The following PDIA5 variants were observed in gnomAD, a reference collection of about 807,000 sequenced individuals.
PDIA5 encodes protein disulfide isomerase family A member 5, also known as protein disulfide-isomerase A5.
PDIA5 carries 58 observed loss-of-function variants against 77.6 expected under a neutral mutation model. The ratio of observed to expected loss-of-function variants is 0.75; its 90% CI spans 0.61 to 0.93. The LOEUF (loss-of-function observed/expected upper bound fraction) is 0.93. Among genes scored for constraint, PDIA5 ranks in the 40% least tolerant of loss-of-function variants. The pLI is 0.00. For synonymous variants in PDIA5, 250 were observed against 252.1 expected (o/e 0.99, Z 0.08); for missense variants, 630 against 647.7 (o/e 0.97, Z 0.30).
intron 11 of PDIA5, among the ~76,000 whole-genome samples, chr3:123,144,146 C>T (rs1969263): frequency 0.18 from 27,952 of 152,126 alleles, 3,134 homozygotes; most frequent in East Asian, 0.46. Flanking sequence ...TCACCCCTGC[C>T]GGGTGCTCAG....
chr3:123,096,542 T>C (rs1020944099), intron 3 of PDIA5, among the ~76,000 whole-genome samples: 55 of 152,284 alleles, frequency 3.6e-4, no homozygotes, highest in African/African-American at 1.3e-3. Flanking sequence ...GATATATATT[T>C]TCCTTTTTTT....
chr3:123,122,869 TA>T (rs1201211642), intron 8 of PDIA5, among the ~76,000 whole-genome samples: 1 of 152,266 alleles, frequency 6.6e-6, no homozygotes, highest in African/African-American at 2.4e-5. Flanking sequence ...TCTGCTTCTG[TA>T]ACTACTGCTG....
chr3:123,127,563 ACAGGACTCAAGT>A (rs1165812176), intron 10 of PDIA5, among the ~76,000 whole-genome samples: 1 of 152,148 alleles, frequency 6.6e-6, no homozygotes, highest in Non-Finnish European at 1.5e-5. Context: ...AGTGGAGGAA[ACAGGACTCAAGT>A]CAGGTCTTCT....
In PDIA5 at chr3:123,130,728, C is replaced by A. The variant is rs1464589044; in HGVS notation, c.910+112C>A. On this transcript the variant is annotated intron_variant, in intron 11 of 16. Coordinates refer to ENST00000316218, the MANE Select transcript of PDIA5 (RefSeq NM_006810.4). ...AGCACTTATTTTTTGGATGCCAGGA[C>A]CCATGCTAAGCCAGGGGATGCAGTG... 1.3e-5 allele frequency: 16 copies of A among 1,245,536 alleles called. No individual in the cohort carries two copies. The Admixed American group carries it at 2.6e-4, about 20-fold the overall frequency. The allele number at this position is 1,245,536 out of a possible 1,614,324, so 77.2% of individuals were successfully genotyped here.
rs113365191 is a variant in PDIA5, at chr3:123,119,437, T to C, written c.609+3139T>C. The stretch of plus-strand genomic sequence containing the variant: ...GACATCTGGGTTGTGTAAACTCATT[T>C]CTTTGTTTGTATATTTTCTTGCTTG... On this transcript the variant is annotated intron_variant, in intron 8 of 16. Coordinates refer to ENST00000316218, the MANE Select transcript of PDIA5 (RefSeq NM_006810.4). Among the ~76,000 whole-genome samples the C allele has an allele frequency of 3.8e-3, 574 of 152,314 alleles. 5 individuals are homozygous for C. The highest frequency in any genetic ancestry group is 0.013 in the African/African-American group (553 of 41,560).
intron 10 of PDIA5, among the ~76,000 whole-genome samples, chr3:123,128,090 TC>T (rs1310570825): frequency 1.3e-5 from 2 of 152,138 alleles, no homozygotes; most frequent in African/African-American, 4.8e-5. Flanking sequence ...AAAAGAAACT[TC>T]CAGTCATCTC....
At chr3:123,090,744 C>T (rs373586180) in intron 2 of PDIA5, among the ~76,000 whole-genome samples, 2 of 152,016 alleles carry the variant, frequency 1.3e-5, no homozygotes, top group Non-Finnish European at 2.9e-5. Flanking sequence ...TGTTGTCAGG[C>T]GCTTGCAGGG....
At chr3:123,079,226 G>C (rs1430881702) in intron 1 of PDIA5, among the ~76,000 whole-genome samples, 1 of 143,112 alleles carries the variant, frequency 7.0e-6, no homozygotes, top group African/African-American at 2.6e-5. Context: ...TGTCGCTGAG[G>C]CTGGAGTGCA....
intron 14 of PDIA5, among the ~76,000 whole-genome samples, 194 bp from the exon 15 acceptor site, chr3:123,154,777 C>G (rs942875640): frequency 6.6e-6 from 1 of 152,104 alleles, no homozygotes; most frequent in Non-Finnish European, 1.5e-5. Flanking sequence ...TCCTACCAGT[C>G]CCCCCTACCA....
intron 7 of PDIA5, among the ~76,000 whole-genome samples, chr3:123,113,567 A>C (rs760713213): frequency 4.6e-5 from 7 of 152,330 alleles, no homozygotes; most frequent in Non-Finnish European, 8.8e-5. Flanking sequence ...GGTCCCAAGG[A>C]ACCTCGGGAC....
chr3:123,108,342 G>C (rs1436731086), intron 6 of PDIA5, among the ~76,000 whole-genome samples: 1 of 149,502 alleles, frequency 6.7e-6, no homozygotes, highest in East Asian at 2.0e-4. Context: ...GTGCAGTAGC[G>C]TGATCTTGGC....
At chr3:123,078,771 CT>C (rs1933918698) in intron 1 of PDIA5, among the ~76,000 whole-genome samples, 1 of 152,212 alleles carries the variant, frequency 6.6e-6, no homozygotes, top group South Asian at 2.1e-4. Flanking sequence ...TCCTCAGTCT[CT>C]GTCTTTTGTG....
intron 10 of PDIA5, among the ~76,000 whole-genome samples, chr3:123,129,632 C>T (rs1935327181): frequency 6.6e-6 from 1 of 152,186 alleles, no homozygotes; most frequent in Non-Finnish European, 1.5e-5. Flanking sequence ...AGTAAAGCAG[C>T]AGGGAGACTG....
At chr3:123,118,552 A>G (rs1425851526) in intron 8 of PDIA5, among the ~76,000 whole-genome samples, 1 of 151,972 alleles carries the variant, frequency 6.6e-6, no homozygotes, top group African/African-American at 2.4e-5. Flanking sequence ...CCACTGCCAA[A>G]CTCAGTATTC....
rs373590856 is a variant in PDIA5 at position 123,113,459 on chromosome 3, T to C, written c.541+2455T>C. Among the ~76,000 whole-genome samples, 5 of 152,234 alleles carry C rather than the reference T, an allele frequency of 3.3e-5. No individual in the cohort carries two copies. In the South Asian group the frequency reaches 8.3e-4, roughly 25 times the overall value. ...GCTGGGGCAGGGGAAATTAGGTACC[T>C]CACAGAGTCACAAAGCTTATTGGTG... On this transcript the variant is annotated intron_variant, in intron 7 of 16. Coordinates refer to ENST00000316218, the MANE Select transcript of PDIA5 (RefSeq NM_006810.4).
intron 1 of PDIA5, among the ~76,000 whole-genome samples, chr3:123,082,565 G>C (rs1400560985): frequency 1.3e-5 from 2 of 152,090 alleles, no homozygotes; most frequent in Non-Finnish European, 2.9e-5. Context: ...GTGGCTGAAT[G>C]TGTGTACGTG....
At chr3:123,067,473 G>C (rs950344718) in intron 1 of PDIA5, 5 of 386,068 alleles carry the variant, frequency 1.3e-5, no homozygotes, top group Non-Finnish European at 2.3e-5. Context: ...CTTACGCCAC[G>C]GCCACAACTT....
intron 3 of PDIA5, among the ~76,000 whole-genome samples, chr3:123,098,332 A>G (rs1456504091): frequency 6.6e-6 from 1 of 150,390 alleles, no homozygotes; most frequent in Non-Finnish European, 1.5e-5. Context: ...CCACCCTCCG[A>G]CCCCGCCGTC....
At chr3:123,129,848 G>T (rs1164646573) in intron 10 of PDIA5, among the ~76,000 whole-genome samples, 3 of 152,170 alleles carry the variant, frequency 2.0e-5, no homozygotes, top group South Asian at 2.1e-4. Context: ...TAAGTTGGTT[G>T]TTGGCCTCTG....
Sources: allele counts gnomAD v4.1 joint callset (sites outside exome capture counted in the v4.1 genomes callset), GRCh38; gene constraint gnomAD v4.1.1; transcripts MANE v1.5; gene names NCBI Gene and HGNC (gene_info 2026-07-23, HGNC 2026-07-21).